ANKFN1: variants seen among roughly 807,000 people sequenced by gnomAD.
ANKFN1 encodes ankyrin repeat and fibronectin type-III domain-containing protein 1.
A neutral mutation model predicts 108.7 loss-of-function variants in ANKFN1; 74 were observed. That is an observed-to-expected ratio of 0.68 (90% CI 0.56 to 0.83). The LOEUF is 0.83. Among genes scored for constraint, ANKFN1 ranks in the 40% least tolerant of loss-of-function variants. The pLI is 0.00. For synonymous variants in ANKFN1, 547 were observed against 516.2 expected (o/e 1.06, Z -0.81); for missense variants, 1,505 against 1,382.3 (o/e 1.09, Z -1.41).
At chr17:56,182,074 C>T (rs968458537) in intron 1 of ANKFN1, among the ~76,000 whole-genome samples, 3 of 152,176 alleles carry the variant, frequency 2.0e-5, no homozygotes, top group Non-Finnish European at 4.4e-5. Flanking sequence ...TCTGACTGCT[C>T]TGCCAATGGG....
intron 1 of ANKFN1, among the ~76,000 whole-genome samples, chr17:56,166,734 C>T (rs913979099): frequency 2.0e-5 from 3 of 152,120 alleles, no homozygotes; most frequent in Non-Finnish European, 4.4e-5. Context: ...TGGACATGAC[C>T]ATGCCCTTCA....
chr17:56,317,629 A>AT (rs1371062014), intron 3 of ANKFN1, among the ~76,000 whole-genome samples: 1 of 152,112 alleles, frequency 6.6e-6, no homozygotes, highest in East Asian at 1.9e-4. Context: ...TGCTGTTGTT[A>AT]TTTTTATTTT....
At chr17:56,164,217 C>T (rs896306958) in intron 1 of ANKFN1, among the ~76,000 whole-genome samples, 26 of 151,936 alleles carry the variant, frequency 1.7e-4, no homozygotes, top group Middle Eastern at 3.4e-3. Context: ...AGAAAGACCT[C>T]CGTTGCATTC....
chr17:56,363,095 G>A (rs946781013), intron 6 of ANKFN1, among the ~76,000 whole-genome samples: 4 of 151,888 alleles, frequency 2.6e-5, no homozygotes, highest in Non-Finnish European at 4.4e-5. Flanking sequence ...TGTAATCCCA[G>A]CTACTGTAAT....
Position 56,136,287 on chromosome 17 carries a change from G to T in ANKFN1, c.288+89962G>T, listed in dbSNP as rs374964445. On this transcript the variant is annotated intron_variant, in intron 4 of 12. Transcript: ENST00000635860. Reference sequence around the variant, plus strand: ...GTTCTGTATGGAAAATTGTAGAGGGGCACTCAGGACACAGGTGATGTTTTC... The same window carrying T: ...GTTCTGTATGGAAAATTGTAGAGGGTCACTCAGGACACAGGTGATGTTTTC... Among the ~76,000 whole-genome samples the T allele has an allele frequency of 3.3e-5, 5 of 152,176 alleles. No homozygotes were observed. The South Asian group carries it at 6.2e-4, about 19-fold the overall frequency.
chr17:56,135,478 G>A (rs1191311364), intron 4 of ANKFN1, among the ~76,000 whole-genome samples: 1 of 152,162 alleles, frequency 6.6e-6, no homozygotes, highest in Non-Finnish European at 1.5e-5. Context: ...CAACATCATG[G>A]TGCTGATTAT....
intron 6 of ANKFN1, among the ~76,000 whole-genome samples, chr17:56,369,624 A>T (rs896237861): frequency 6.6e-6 from 1 of 152,226 alleles, no homozygotes; most frequent in African/African-American, 2.4e-5. Flanking sequence ...TTCTGAACAG[A>T]TGCTTCTATT....
At chr17:56,105,959 C>T (rs1394528286) in intron 4 of ANKFN1, among the ~76,000 whole-genome samples, 6 of 151,958 alleles carry the variant, frequency 3.9e-5, no homozygotes, top group African/African-American at 1.5e-4. Flanking sequence ...TCATGACAGC[C>T]CCTACAGCAA....
chr17:56,353,310 A>C (rs2046293304), intron 5 of ANKFN1, among the ~76,000 whole-genome samples: 1 of 150,492 alleles, frequency 6.6e-6, no homozygotes, highest in Non-Finnish European at 1.5e-5. Flanking sequence ...ATCTCAGCTG[A>C]CTGCAACCTC....
chr17:56,400,206 T>A (rs2047718771), intron 8 of ANKFN1, among the ~76,000 whole-genome samples: 1 of 152,072 alleles, frequency 6.6e-6, no homozygotes, highest in African/African-American at 2.4e-5. Flanking sequence ...CCATCAGCAG[T>A]GTAGAAATGT....
At chr17:56,103,767 CA>C in intron 4 of ANKFN1, among the ~76,000 whole-genome samples, 1 of 152,242 alleles carries the variant, frequency 6.6e-6, no homozygotes, top group African/African-American at 2.4e-5. Context: ...TCAAATAAAA[CA>C]AAAAGTGTTG....
chr17:56,421,948 C>T (rs1316053297), intron 8 of ANKFN1, among the ~76,000 whole-genome samples: 1 of 152,102 alleles, frequency 6.6e-6, no homozygotes, highest in Non-Finnish European at 1.5e-5. Context: ...ACATTTTTTC[C>T]ATGCGTGATG....
chr17:56,226,644 A>C (rs1439856818), intron 2 of ANKFN1, among the ~76,000 whole-genome samples: 1 of 152,154 alleles, frequency 6.6e-6, no homozygotes, highest in Non-Finnish European at 1.5e-5. Context: ...CTCCCATTTC[A>C]TGGATTTATC....
chr17:56,184,459 G>T (rs1911997490), intron 1 of ANKFN1, among the ~76,000 whole-genome samples: 1 of 152,140 alleles, frequency 6.6e-6, no homozygotes, highest in African/African-American at 2.4e-5. Flanking sequence ...AGTATATTGT[G>T]AATATAACTT....
chr17:56,226,533 G>A (rs1916288081), intron 2 of ANKFN1, among the ~76,000 whole-genome samples: 1 of 152,162 alleles, frequency 6.6e-6, no homozygotes, highest in Non-Finnish European at 1.5e-5. Context: ...GAAAATTGGA[G>A]AAAAGCAATC....
intron 1 of ANKFN1, among the ~76,000 whole-genome samples, chr17:56,172,831 G>T (rs1325824515): frequency 1.3e-5 from 2 of 152,174 alleles, no homozygotes; most frequent in Non-Finnish European, 2.9e-5. Context: ...GTCAGGCAAG[G>T]CCCATTTCAG....
intron 1 of ANKFN1, among the ~76,000 whole-genome samples, chr17:56,185,749 G>A (rs1419257196): frequency 1.3e-5 from 2 of 152,084 alleles, no homozygotes; most frequent in East Asian, 3.9e-4. Flanking sequence ...TGGGAAATGT[G>A]GACTTGTACC....
intron 3 of ANKFN1, among the ~76,000 whole-genome samples, chr17:56,315,784 A>G (rs1178878893): frequency 6.6e-6 from 1 of 152,184 alleles, no homozygotes. Context: ...CTGGGACAAA[A>G]TGAAGAAAGG....
chr17:56,184,610 A>G (rs1289949415), intron 1 of ANKFN1: 2 of 152,148 alleles, frequency 1.3e-5, no homozygotes, highest in African/African-American at 4.8e-5. Flanking sequence ...GATATTCAAA[A>G]CCACTTAATT....
Sources: allele counts gnomAD v4.1 joint callset (sites outside exome capture counted in the v4.1 genomes callset), GRCh38; gene constraint gnomAD v4.1.1; transcripts MANE v1.5; gene names NCBI Gene and HGNC (gene_info 2026-07-23, HGNC 2026-07-21).